Variants in TRPM3 observed in about 807,000 individuals in gnomAD.
TRPM3 encodes long transient receptor potential channel 3.
A neutral mutation model predicts 181.2 loss-of-function variants in TRPM3; 77 were observed. The observed-to-expected ratio is 0.42, with a 90% CI of 0.35 to 0.51. The LOEUF (loss-of-function observed/expected upper bound fraction) is 0.51, where lower values mean the gene tolerates loss of function less well. Ranked by LOEUF, TRPM3 falls within the 20% of genes least tolerant of loss-of-function variation. The pLI, the probability that TRPM3 is intolerant of heterozygous loss-of-function variation, is 0.01. For missense variants in TRPM3, 1,759 were observed against 2,196.7 expected, an observed-to-expected ratio of 0.80 and a Z score of 3.98; for synonymous variants, 745 against 796.4, an observed-to-expected ratio of 0.94 and a Z score of 1.09.
At chr9:70,950,924 T>C (rs2096991349) in intron 1 of TRPM3, among the ~76,000 whole-genome samples, 1 of 152,176 alleles carries the variant, frequency 6.6e-6, no homozygotes, top group Non-Finnish European at 1.5e-5. Context: ...TCAGGATGCA[T>C]ACTTGGTAGA....
rs773930839 is a variant in TRPM3 at position 70,618,993 on chromosome 9, G to A, written c.2232C>T (p.Asn744=). The change falls in exon 17 of 26, where the codon AAC becomes AAT. Residue 744 remains asparagine, a synonymous_variant. Coordinates refer to ENST00000677713, the MANE Select transcript of TRPM3 (RefSeq NM_001366145.2). ...CCACGGCAAGCTGCAGGCACGTGGC[G>A]TTGCTCCAGTTCTTCAGCTCATACG... ...LLTYELKNWS[N]ATCLQLAVAA... 2.5e-5 allele frequency: 41 copies of A among 1,614,094 alleles called. No individual in the cohort carries two copies. Among genetic ancestry groups the A allele is most frequent in the Non-Finnish European group, 3.2e-5 (38 of 1,180,042 alleles).
chr9:70,915,873 T>C (rs2096589239), intron 1 of TRPM3, among the ~76,000 whole-genome samples: 1 of 152,046 alleles, frequency 6.6e-6, no homozygotes, highest in African/African-American at 2.4e-5. Flanking sequence ...TATCGGTCAA[T>C]ATCCAAGTAC....
At chr9:70,613,285 G>A (rs2062254622) in intron 18 of TRPM3, among the ~76,000 whole-genome samples, 1 of 152,170 alleles carries the variant, frequency 6.6e-6, no homozygotes, top group Non-Finnish European at 1.5e-5. Context: ...AAACTGCACA[G>A]CATGATTTGA....
At chr9:71,176,995 G>A (rs1356656969) in intron 1 of TRPM3, among the ~76,000 whole-genome samples, 1 of 152,082 alleles carries the variant, frequency 6.6e-6, no homozygotes, top group Non-Finnish European at 1.5e-5. Flanking sequence ...GCATGCAAGA[G>A]AGCGAAGCTT....
Position 70,863,027 on chromosome 9 carries a change from G to A in TRPM3, c.343C>T (p.Leu115Phe). 3 of 1,613,694 alleles carry A rather than the reference G, an allele frequency of 1.9e-6. No individual in the cohort carries two copies. The South Asian group carries it at 3.3e-5, about 18-fold the overall frequency. ...VLQNEKNESRLSRNDIQSEKW... is the reference protein window; with the variant it reads ...VLQNEKNESRFSRNDIQSEKW... ...TCAGACTGGATGTCATTTCGGGAGA[G>A]GCGACTTTCATTTTTCTCATTCTGA... is the stretch of plus-strand genomic sequence containing the variant. Residue 115 changes from leucine to phenylalanine, a missense_variant, in exon 3 of 26, where the codon CTC becomes TTC. Leu to Phe is a conservative substitution (Grantham distance 22). Coordinates refer to ENST00000677713, the MANE Select transcript of TRPM3 (RefSeq NM_001366145.2).
intron 1 of TRPM3, among the ~76,000 whole-genome samples, chr9:71,174,383 A>T (rs890775858): frequency 6.6e-6 from 1 of 152,126 alleles, no homozygotes; most frequent in Non-Finnish European, 1.5e-5. Context: ...CTCTACTAAA[A>T]ATACAAAAAT....
At chr9:71,209,047 T>C (rs2079307812) in intron 1 of TRPM3, among the ~76,000 whole-genome samples, 1 of 152,136 alleles carries the variant, frequency 6.6e-6, no homozygotes, top group South Asian at 2.1e-4. Flanking sequence ...TTTGATCACT[T>C]TAATTATTCA....
intron 1 of TRPM3, chr9:70,917,108 C>T (rs2096604133): frequency 6.2e-7 from 1 of 1,603,088 alleles, no homozygotes. Context: ...AGAGATGTAA[C>T]ACATTTCCAT....
intron 8 of TRPM3, among the ~76,000 whole-genome samples, chr9:70,699,367 G>A (rs1217153030): frequency 1.3e-5 from 2 of 152,140 alleles, no homozygotes; most frequent in African/African-American, 4.8e-5. Context: ...GTGGTGGGGA[G>A]GTGCAGGAAG....
chr9:71,254,974 T>G (rs2082583262), intron 1 of TRPM3, among the ~76,000 whole-genome samples: 1 of 152,204 alleles, frequency 6.6e-6, no homozygotes. Flanking sequence ...CAGCTTTGAT[T>G]CTAGCAAAGC....
At chr9:70,758,800 C>T (rs2077545495) in intron 8 of TRPM3, among the ~76,000 whole-genome samples, 2 of 152,144 alleles carry the variant, frequency 1.3e-5, no homozygotes, top group African/African-American at 4.8e-5. Context: ...GAAACTGAAC[C>T]CCTTCCTTAC....
intron 1 of TRPM3, among the ~76,000 whole-genome samples, chr9:71,045,772 C>T (rs17520753): frequency 0.063 from 9,529 of 152,130 alleles, 348 homozygotes; most frequent in African/African-American, 0.079. Flanking sequence ...CTACTCAATC[C>T]GGTGCTTCCC....
intron 1 of TRPM3, among the ~76,000 whole-genome samples, chr9:71,019,776 A>G (rs1457345067): frequency 6.6e-6 from 1 of 152,180 alleles, no homozygotes; most frequent in Non-Finnish European, 1.5e-5. Flanking sequence ...CAAAACAATG[A>G]TAAACTAGAA....
In TRPM3 at chr9:70,616,134, G is replaced by A. The variant is rs569206022; in HGVS notation, c.2359-59C>T. 5.4e-5 allele frequency: 74 copies of A among 1,371,636 alleles called. 2 individuals are homozygous for A. The South Asian group carries it at 1.0e-3, about 19-fold the overall frequency. 85.0% of individuals were successfully genotyped at this position (1,371,636 alleles called of 1,614,324 possible). A position where few individuals can be genotyped will look rare whatever the true frequency, so the allele number is the denominator to read the frequency against. On this transcript the variant is annotated intron_variant, in intron 17 of 25. Transcript: ENST00000677713. ...CATTTAAAGGATTAAGATTAGGGTG[G>A]TTGTTTAGAATCAGAGAGCCTGAGG...
intron 1 of TRPM3, among the ~76,000 whole-genome samples, chr9:71,067,075 C>T (rs1007522225): frequency 6.6e-5 from 10 of 152,146 alleles, no homozygotes; most frequent in Non-Finnish European, 1.5e-5. Flanking sequence ...CTCCCACATG[C>T]ATAAAAGCAC....
At chr9:71,028,754 T>G (rs1365692345) in intron 1 of TRPM3, among the ~76,000 whole-genome samples, 1 of 151,972 alleles carries the variant, frequency 6.6e-6, no homozygotes, top group East Asian at 1.9e-4. Context: ...CAGCAAGAAC[T>G]AACTATTCTA....
intron 1 of TRPM3, among the ~76,000 whole-genome samples, chr9:70,934,367 T>C (rs1466515539): frequency 1.3e-5 from 2 of 152,140 alleles, no homozygotes; most frequent in African/African-American, 2.4e-5. Context: ...GAGATTTTCA[T>C]GTGACTGTTA....
At chr9:70,556,422 T>C (rs1293221623) in intron 22 of TRPM3, among the ~76,000 whole-genome samples, 2 of 152,102 alleles carry the variant, frequency 1.3e-5, no homozygotes, top group African/African-American at 4.8e-5. Context: ...ACATGTATTA[T>C]GTTCAAACCC....
At chr9:70,551,591 A>T (rs2046464701) in intron 24 of TRPM3, among the ~76,000 whole-genome samples, 1 of 152,138 alleles carries the variant, frequency 6.6e-6, no homozygotes, top group Non-Finnish European at 1.5e-5. Flanking sequence ...ATTTACAAAC[A>T]CCACCTTCCT....
Sources: gnomAD v4.1 joint callset for allele counts (sites outside exome capture counted in the v4.1 genomes callset) on GRCh38, gnomAD v4.1.1 for gene constraint, MANE v1.5 for transcripts, NCBI Gene and HGNC (gene_info 2026-07-23, HGNC 2026-07-21) for gene names.